The following CCNY variants were observed in gnomAD, a reference collection of about 807,000 sequenced individuals.
CCNY encodes the protein cyclin-Y.
In CCNY, 19 loss-of-function variants were observed where a neutral mutation model predicts 42.8. The ratio of observed to expected loss-of-function variants is 0.44; its 90% CI spans 0.31 to 0.65. The LOEUF (loss-of-function observed/expected upper bound fraction) is 0.65, where lower values mean the gene tolerates loss of function less well. CCNY is among the 30% of genes least tolerant of loss of function. The pLI is 0.07. For missense variants in CCNY, 370 were observed against 437.3 expected, an observed-to-expected ratio of 0.85 and a Z score of 1.37; for synonymous variants, 165 against 162.7, an observed-to-expected ratio of 1.01 and a Z score of -0.11.
rs548665169 is a variant in CCNY, at chr10:35,491,836, A to G, written c.229+8358A>G. Reference sequence around the variant, plus strand: ...CACCATGTTAGCCAGGATGGTCTCGATCTCCTGACCTCGTGATCCCACCCG... The same window carrying G: ...CACCATGTTAGCCAGGATGGTCTCGGTCTCCTGACCTCGTGATCCCACCCG... On this transcript the variant is annotated intron_variant, in intron 2 of 9. Coordinates refer to ENST00000374704, the MANE Select transcript of CCNY (RefSeq NM_145012.6). 2.2e-5 allele frequency among the ~76,000 whole-genome samples: 3 copies of G among 138,158 alleles called. No individual in the cohort carries two copies. The East Asian group carries it at 6.5e-4, about 30-fold the overall frequency. 90.6% of individuals were successfully genotyped at this position (138,158 alleles called of 152,430 possible). A position where few individuals can be genotyped will look rare whatever the true frequency, so the allele number is the denominator to read the frequency against.
At chr10:35,391,909 G>A (rs1252463546) in intron 1 of CCNY, among the ~76,000 whole-genome samples, 1 of 152,010 alleles carries the variant, frequency 6.6e-6, no homozygotes, top group African/African-American at 2.4e-5. Context: ...GGCCTGGCTG[G>A]TGCTGGCCTC....
At chr10:35,511,917 G>A (rs998815391) in intron 3 of CCNY, among the ~76,000 whole-genome samples, 2 of 152,212 alleles carry the variant, frequency 1.3e-5, no homozygotes, top group Non-Finnish European at 2.9e-5. Flanking sequence ...TAGGCAGGGA[G>A]GCAACACGAT....
intron 3 of CCNY, among the ~76,000 whole-genome samples, chr10:35,297,218 A>T (rs1280373525): frequency 1.3e-5 from 2 of 152,220 alleles, no homozygotes; most frequent in Non-Finnish European, 2.9e-5. Context: ...GAAATCAATA[A>T]ATGTGATTCG....
chr10:35,455,233 T>A (rs1839002964), intron 1 of CCNY: 1 of 152,224 alleles, frequency 6.6e-6, no homozygotes, highest in South Asian at 2.1e-4. Context: ...GAGTATATTG[T>A]TGATCTTGGA....
intron 2 of CCNY, among the ~76,000 whole-genome samples, chr10:35,493,580 A>G (rs905018267): frequency 2.0e-5 from 3 of 152,214 alleles, no homozygotes; most frequent in Non-Finnish European, 4.4e-5. Flanking sequence ...TGCAGTCACC[A>G]TGTAAGAATA....
intron 1 of CCNY, among the ~76,000 whole-genome samples, chr10:35,407,483 A>C (rs1837805714): frequency 6.6e-6 from 1 of 152,172 alleles, no homozygotes; most frequent in Non-Finnish European, 1.5e-5. Context: ...AGTGTGTAAA[A>C]GAATGCCTGG....
chr10:35,253,413 T>TA (rs201191362), intron 3 of CCNY, among the ~76,000 whole-genome samples: 2,332 of 118,508 alleles, frequency 0.02, 252 homozygotes, highest in African/African-American at 0.061. Flanking sequence ...GCATGCTCAC[T>TA]ATTTTTTTTT....
At chr10:35,469,006 T>C (rs575372099) in intron 1 of CCNY, among the ~76,000 whole-genome samples, 170 of 152,380 alleles carry the variant, frequency 1.1e-3, no homozygotes, top group African/African-American at 4.0e-3. Context: ...TCCTGTGTTA[T>C]ATCCTGTCCT....
chr10:35,297,218 A>G (rs1280373525), intron 3 of CCNY, among the ~76,000 whole-genome samples: 1 of 152,220 alleles, frequency 6.6e-6, no homozygotes, highest in Admixed American at 6.5e-5. Flanking sequence ...GAAATCAATA[A>G]ATGTGATTCG....
At chr10:35,557,451 T>C (rs149343458) in intron 8 of CCNY, among the ~76,000 whole-genome samples, 44 of 152,316 alleles carry the variant, frequency 2.9e-4, no homozygotes, top group Admixed American at 7.8e-4. Flanking sequence ...TAGTACACAG[T>C]TGATCAAAAT....
At chr10:35,385,114 G>T (rs188460532) in intron 1 of CCNY, among the ~76,000 whole-genome samples, 97 of 152,270 alleles carry the variant, frequency 6.4e-4, no homozygotes, top group Admixed American at 2.3e-3. Context: ...AGAGATCCAG[G>T]TACATAACAG....
intron 1 of CCNY, among the ~76,000 whole-genome samples, chr10:35,475,705 C>T (rs1424042905): frequency 1.5e-4 from 22 of 149,904 alleles, no homozygotes; most frequent in South Asian, 2.1e-4. Context: ...TAAAGACCAT[C>T]GAGACTAGGA....
At chr10:35,291,077 C>G (rs538156966) in intron 3 of CCNY, among the ~76,000 whole-genome samples, 7 of 151,852 alleles carry the variant, frequency 4.6e-5, no homozygotes, top group African/African-American at 1.7e-4. Flanking sequence ...GCAATCTCGG[C>G]TCACTGCAAC....
At position 35,336,514 on chromosome 10, in the gene CCNY, C is replaced by G. The variant is rs560256635; in HGVS notation, c.-540C>G. ...GGCGAGGGAGGGCCGCCAGCATCCT[C>G]CCTGGCCGCGCCGCACCGCGCCGCG... is the stretch of plus-strand genomic sequence containing the variant. On this transcript the variant is annotated 5_prime_UTR_variant, in exon 1 of 10. Transcript: ENST00000374704. 1 of 150,152 alleles carries G rather than the reference C, an allele frequency of 6.7e-6. No homozygotes were observed. The highest frequency in any genetic ancestry group is 2.1e-4 in the South Asian group (1 of 4,832). The allele number at this position is 150,152 out of a possible 1,614,324, so 9.3% of individuals were successfully genotyped here.
chr10:35,418,906 C>T (rs1467054871), intron 1 of CCNY, among the ~76,000 whole-genome samples: 4 of 151,980 alleles, frequency 2.6e-5, no homozygotes, highest in Non-Finnish European at 5.9e-5. Flanking sequence ...CTGCAACCTC[C>T]GCCTCCTGGG....
chr10:35,400,435 C>T (rs941358427), intron 1 of CCNY, among the ~76,000 whole-genome samples: 7 of 152,124 alleles, frequency 4.6e-5, no homozygotes, highest in Admixed American at 2.0e-4. Flanking sequence ...AGATGCTTCA[C>T]GTCGTGGAAT....
At chr10:35,266,249 CTTTTTT>C (rs773886027) in intron 3 of CCNY, among the ~76,000 whole-genome samples, 8 of 110,126 alleles carry the variant, frequency 7.3e-5, no homozygotes, top group Non-Finnish European at 1.1e-4. Flanking sequence ...GGCTAATTTC[CTTTTTT>C]TTTTTTTTTT....
intron 1 of CCNY, among the ~76,000 whole-genome samples, chr10:35,455,618 A>G (rs1213201876): frequency 6.6e-6 from 1 of 152,078 alleles, no homozygotes; most frequent in Non-Finnish European, 1.5e-5. Context: ...CCGAACATTC[A>G]TAAGGCTCAG....
At chr10:35,457,036 A>G (rs1170948586) in intron 1 of CCNY, among the ~76,000 whole-genome samples, 4 of 152,220 alleles carry the variant, frequency 2.6e-5, no homozygotes, top group Admixed American at 6.5e-5. Flanking sequence ...GCGGGGGGGA[A>G]ACTACCTTAG....
Sources: gnomAD v4.1 joint callset for allele counts (sites outside exome capture counted in the v4.1 genomes callset) on GRCh38, gnomAD v4.1.1 for gene constraint, MANE v1.5 for transcripts, NCBI Gene and HGNC (gene_info 2026-07-23, HGNC 2026-07-21) for gene names.